The following C12orf42 variants were observed in gnomAD, a reference collection of about 807,000 sequenced individuals.
C12orf42 encodes chromosome 12 open reading frame 42.
A neutral mutation model predicts 21.6 loss-of-function variants in C12orf42; 25 were observed. The observed-to-expected ratio is 1.16, with a 90% CI of 0.84 to 1.62. C12orf42 has a LOEUF of 1.62. Among genes scored for constraint, C12orf42 ranks in the 40% most tolerant of loss-of-function variants. The probability of loss-of-function intolerance (pLI) is 0.00; values close to 1 mark genes in which losing one functional copy is unlikely to be tolerated. For synonymous variants in C12orf42, 174 were observed against 175.0 expected (o/e 0.99, Z 0.05); for missense variants, 483 against 459.3 (o/e 1.05, Z -0.47).
the C12orf42 span, among the ~76,000 whole-genome samples, chr12:103,188,891 T>C: frequency 6.6e-6 from 1 of 152,332 alleles, no homozygotes; most frequent in East Asian, 1.9e-4. Context: ...AGTAATCCTT[T>C]ATAGCAACAA....
chr12:103,291,394 T>C (rs192928525), intron 4 of C12orf42, among the ~76,000 whole-genome samples: 1 of 152,276 alleles, frequency 6.6e-6, no homozygotes, highest in Admixed American at 6.5e-5. Flanking sequence ...CCACAGCAGT[T>C]GTTGGCTTCA....
chr12:103,372,112 G>A (rs2045297811), intron 3 of C12orf42, among the ~76,000 whole-genome samples: 1 of 152,052 alleles, frequency 6.6e-6, no homozygotes, highest in Non-Finnish European at 1.5e-5. Context: ...TCTATGCACA[G>A]CCGTTTCCTG....
chr12:103,263,094 T>C (rs891581634), intron 10 of C12orf42, among the ~76,000 whole-genome samples: 6 of 151,978 alleles, frequency 3.9e-5, no homozygotes, highest in African/African-American at 1.4e-4. Flanking sequence ...CAGGTGGGAA[T>C]TGAACAATGA....
chr12:103,541,375 G>C, the C12orf42 span, among the ~76,000 whole-genome samples: 3 of 152,098 alleles, frequency 2.0e-5, no homozygotes, highest in Non-Finnish European at 1.5e-5. Context: ...TCAATGGTAG[G>C]ATGCATATAT....
chr12:103,520,829 A>G, the C12orf42 span, among the ~76,000 whole-genome samples: 2 of 152,212 alleles, frequency 1.3e-5, no homozygotes, highest in African/African-American at 4.8e-5. Flanking sequence ...TCTTGTGTGA[A>G]TGTCCTGCCT....
intron 2 of C12orf42, among the ~76,000 whole-genome samples, chr12:103,457,108 TG>T (rs1952351341): frequency 6.6e-6 from 1 of 152,172 alleles, no homozygotes; most frequent in Non-Finnish European, 1.5e-5. Flanking sequence ...AAATATATAC[TG>T]AAGAACTACT....
the C12orf42 span, among the ~76,000 whole-genome samples, chr12:103,190,582 T>C: frequency 6.6e-6 from 1 of 152,092 alleles, no homozygotes; most frequent in African/African-American, 2.4e-5. Context: ...CAAAACAAAT[T>C]CTGGAGCTAA....
At chr12:103,179,566 G>C in the C12orf42 span, among the ~76,000 whole-genome samples, 1 of 151,920 alleles carries the variant, frequency 6.6e-6, no homozygotes, top group African/African-American at 2.4e-5. Context: ...GATGAGATGG[G>C]AAAAAAGAAT....
At chr12:103,109,584 A>G in the C12orf42 span, among the ~76,000 whole-genome samples, 2 of 149,156 alleles carry the variant, frequency 1.3e-5, no homozygotes, top group Non-Finnish European at 3.0e-5. Context: ...TTATAATTAC[A>G]TAATATAATT....
the C12orf42 span, among the ~76,000 whole-genome samples, chr12:103,170,687 T>A: frequency 6.6e-6 from 1 of 152,092 alleles, no homozygotes; most frequent in South Asian, 2.1e-4. Context: ...TGTCCTGCCA[T>A]CTCTCTCTCT....
the C12orf42 span, among the ~76,000 whole-genome samples, chr12:103,069,797 T>C: frequency 6.6e-6 from 1 of 152,208 alleles, no homozygotes; most frequent in East Asian, 1.9e-4. Context: ...TACTCAGTAA[T>C]ATGCATGAAT....
chr12:103,138,024 G>C, the C12orf42 span, among the ~76,000 whole-genome samples: 1 of 152,046 alleles, frequency 6.6e-6, no homozygotes, highest in African/African-American at 2.4e-5. Context: ...AGGAAGACTT[G>C]AAATGATCCC....
chr12:103,249,378 C>T (rs867161133), intron 10 of C12orf42, among the ~76,000 whole-genome samples: 7 of 152,048 alleles, frequency 4.6e-5, no homozygotes, highest in African/African-American at 1.7e-4. Flanking sequence ...ATAAAGCTGA[C>T]AATAATATGC....
chr12:103,302,626 C>A, intron 5 of C12orf42, 67 bp from the exon 6 acceptor site: 1 of 1,337,926 alleles, frequency 7.5e-7, no homozygotes, highest in Non-Finnish European at 1.0e-6. Context: ...ACCGCACCCC[C>A]GCGACAACTG....
intron 4 of C12orf42, among the ~76,000 whole-genome samples, chr12:103,309,147 C>T (rs1397738219): frequency 1.3e-5 from 2 of 152,162 alleles, no homozygotes; most frequent in Non-Finnish European, 2.9e-5. Context: ...ATTATACCTA[C>T]AATAACTCCA....
chr12:103,217,336 G>A, the C12orf42 span, among the ~76,000 whole-genome samples: 1 of 152,010 alleles, frequency 6.6e-6, no homozygotes, highest in Non-Finnish European at 1.5e-5. Flanking sequence ...GGTCAGCATA[G>A]CAAGACCCTG....
Position 103,364,163 on chromosome 12 carries a change from A to G in C12orf42, c.259+4724T>C, listed in dbSNP as rs567317180. On this transcript the variant is annotated intron_variant, in intron 4 of 5. Transcript: ENST00000548883. ...CAAGTACTCTCTCAGACCACAGCAGAATAAAACTGGAAATCAACTCCAGAA... is the reference window on the plus strand; with the variant it reads ...CAAGTACTCTCTCAGACCACAGCAGGATAAAACTGGAAATCAACTCCAGAA... Among the ~76,000 whole-genome samples, 5 of 152,236 alleles carry G rather than the reference A, an allele frequency of 3.3e-5. No individual in the cohort carries two copies. The East Asian group carries it at 9.7e-4, about 29-fold the overall frequency.
At chr12:103,309,193 T>C (rs1349352813) in intron 4 of C12orf42, among the ~76,000 whole-genome samples, 1 of 152,302 alleles carries the variant, frequency 6.6e-6, no homozygotes, top group East Asian at 1.9e-4. Flanking sequence ...AGTTGACCCT[T>C]GAACTGAGCA....
At chr12:103,179,650 A>T in the C12orf42 span, among the ~76,000 whole-genome samples, 1 of 152,330 alleles carries the variant, frequency 6.6e-6, no homozygotes, top group Non-Finnish European at 1.5e-5. Flanking sequence ...GACAACAGGG[A>T]ACCACTGAAA....
Sources: gnomAD v4.1 joint callset for allele counts (sites outside exome capture counted in the v4.1 genomes callset) on GRCh38, gnomAD v4.1.1 for gene constraint, MANE v1.5 for transcripts, NCBI Gene and HGNC (gene_info 2026-07-23, HGNC 2026-07-21) for gene names.